Variants in SLC28A3 observed in about 807,000 individuals in gnomAD.
SLC28A3 encodes the protein concentrative Na(+)-nucleoside cotransporter 3.
Under a neutral mutation model 84.2 loss-of-function variants are expected in SLC28A3, and 68 were observed. That is an observed-to-expected ratio of 0.81 (90% CI 0.66 to 0.99). The LOEUF (loss-of-function observed/expected upper bound fraction) is 0.99, where lower values mean the gene tolerates loss of function less well. Ranked by LOEUF, SLC28A3 falls within the 50% of genes least tolerant of loss-of-function variation. The pLI is 0.00. For synonymous variants in SLC28A3, 267 were observed against 303.6 expected, an observed-to-expected ratio of 0.88 and a Z score of 1.25; for missense variants, 712 against 841.5, an observed-to-expected ratio of 0.85 and a Z score of 1.90.
intron 10 of SLC28A3, among the ~76,000 whole-genome samples, chr9:84,290,923 C>T (rs1410868277): frequency 6.6e-6 from 1 of 152,196 alleles, no homozygotes; most frequent in Non-Finnish European, 1.5e-5. Flanking sequence ...TCAGAGACCC[C>T]TCTCTGATGG....
chr9:84,284,009 T>C (rs972369273), intron 14 of SLC28A3, among the ~76,000 whole-genome samples: 2 of 152,206 alleles, frequency 1.3e-5, no homozygotes, highest in African/African-American at 4.8e-5. Context: ...TGCCTGCCTT[T>C]GGTTGGGCTC....
chr9:84,282,284 C>CTT (rs527862557), intron 14 of SLC28A3, among the ~76,000 whole-genome samples: 40 of 144,838 alleles, frequency 2.8e-4, no homozygotes, highest in Non-Finnish European at 5.2e-4. Flanking sequence ...TGAGGAAAAC[C>CTT]TTTTTTTTTT....
At chr9:84,294,404 A>G (rs1264528717) in intron 8 of SLC28A3, 129 bp from the exon 9 acceptor site, 2 of 821,302 alleles carry the variant, frequency 2.4e-6, no homozygotes, top group Non-Finnish European at 3.9e-6. Context: ...CTCCTCTTGA[A>G]CTTTAATCAG....
At chr9:84,314,938 G>C (rs564442494) in intron 1 of SLC28A3, among the ~76,000 whole-genome samples, 6 of 152,176 alleles carry the variant, frequency 3.9e-5, no homozygotes, top group Non-Finnish European at 8.8e-5. Flanking sequence ...TTAGCTGGGC[G>C]TGGTGGCAGG....
chr9:84,350,443 A>AAAATAAAT, the SLC28A3 span, among the ~76,000 whole-genome samples: 7,154 of 151,462 alleles, frequency 0.047, 526 homozygotes, highest in African/African-American at 0.16. Flanking sequence ...CCAGGTCTCA[A>AAAATAAAT]AAATAAATAA....
chr9:84,361,461 C>T, the SLC28A3 span, among the ~76,000 whole-genome samples: 2 of 152,188 alleles, frequency 1.3e-5, no homozygotes, highest in African/African-American at 4.8e-5. Flanking sequence ...AAATGTCTTT[C>T]CTGTTTTCAG....
chr9:84,333,235 C>A (rs1278641670), intron 1 of SLC28A3, among the ~76,000 whole-genome samples: 1 of 152,156 alleles, frequency 6.6e-6, no homozygotes, highest in Non-Finnish European at 1.5e-5. Flanking sequence ...TCTGGGGTGA[C>A]TGCACCTGTA....
rs915828974 is a variant in SLC28A3, at chr9:84,276,591, A to C, written c.*1627T>G. 1 of 152,168 alleles carries C rather than the reference A, an allele frequency of 6.6e-6. No homozygotes were observed. The highest frequency in any genetic ancestry group is 1.5e-5 in the Non-Finnish European group (1 of 68,028). The allele number at this position is 152,168 out of a possible 1,614,324, so 9.4% of individuals were successfully genotyped here. On this transcript the variant is annotated 3_prime_UTR_variant, in exon 18 of 18. Coordinates refer to ENST00000376238, the MANE Select transcript of SLC28A3 (RefSeq NM_001199633.2). The stretch of plus-strand genomic sequence containing the variant: ...CACCAAACATTGAGAATGGGGGGAA[A>C]ACATGCAAATATATTTTCCTAAAAT...
At chr9:84,326,877 C>T (rs1167797770) in intron 1 of SLC28A3, among the ~76,000 whole-genome samples, 5 of 151,820 alleles carry the variant, frequency 3.3e-5, no homozygotes, top group South Asian at 2.1e-4. Flanking sequence ...GACATGGTGG[C>T]GCCTGTAATC....
chr9:84,292,760 A>C lies in SLC28A3; in HGVS notation c.943-12T>G. ...ATGATCCATCCAACCTAAAAGGAAG[A>C]AAGGGACAAAGTCAGCAAAGAACTT... On this transcript the variant is annotated splice_polypyrimidine_tract_variant and intron_variant, in intron 9 of 17. Coordinates refer to ENST00000376238, the MANE Select transcript of SLC28A3 (RefSeq NM_001199633.2). 1 of 1,538,858 alleles carries C rather than the reference A, an allele frequency of 6.5e-7. No individual in the cohort carries two copies. The highest frequency in any genetic ancestry group is 2.4e-5 in the East Asian group (1 of 41,740).
At chr9:84,357,586 G>C in the SLC28A3 span, among the ~76,000 whole-genome samples, 15 of 152,084 alleles carry the variant, frequency 9.9e-5, no homozygotes, top group African/African-American at 3.6e-4. Context: ...GTGGACTGGG[G>C]AAGTGGGCAG....
In SLC28A3 at chr9:84,278,023, G is replaced by A; in HGVS notation, c.*195C>T. 1 of 627,020 alleles carries A rather than the reference G, an allele frequency of 1.6e-6. No homozygotes were observed. Among genetic ancestry groups the A allele is most frequent in the Non-Finnish European group, 2.6e-6 (1 of 379,988 alleles). The allele number at this position is 627,020 out of a possible 1,614,324, so 38.8% of individuals were successfully genotyped here. On this transcript the variant is annotated 3_prime_UTR_variant, in exon 18 of 18. Transcript: ENST00000376238. ...CATAGCAGTTCTTGGTGGGGAAGGG[G>A]CTGGTGGGGAGGGAGGGGAGGAGGA...
intron 3 of SLC28A3, among the ~76,000 whole-genome samples, chr9:84,307,537 T>A (rs1825845636): frequency 6.6e-6 from 1 of 152,086 alleles, no homozygotes; most frequent in South Asian, 2.1e-4. Context: ...CTTCATGAAA[T>A]GTTCATCATT....
intron 12 of SLC28A3, among the ~76,000 whole-genome samples, chr9:84,286,686 T>C (rs1825004121): frequency 6.6e-6 from 1 of 152,054 alleles, no homozygotes; most frequent in Non-Finnish European, 1.5e-5. Flanking sequence ...ATACAAATGG[T>C]ATAAAAGCTA....
upstream of SLC28A3, among the ~76,000 whole-genome samples, chr9:84,343,720 C>T (rs1827207073): frequency 6.6e-6 from 1 of 152,128 alleles, no homozygotes; most frequent in Non-Finnish European, 1.5e-5. Flanking sequence ...GAAACATGGC[C>T]ATTGATTTAT....
chr9:84,291,951 G>T (rs1441622738), intron 10 of SLC28A3, among the ~76,000 whole-genome samples: 1 of 152,188 alleles, frequency 6.6e-6, no homozygotes, highest in Non-Finnish European at 1.5e-5. Flanking sequence ...ATATTTATTT[G>T]CTTAAATGGG....
intron 1 of SLC28A3, among the ~76,000 whole-genome samples, chr9:84,328,156 TACACACACACACACAC>T (rs71498096): frequency 6.1e-5 from 8 of 131,968 alleles, no homozygotes; most frequent in Admixed American, 5.4e-4. Context: ...GGGAAAAGAC[TACACACACACACACAC>T]ACACACACAC....
At chr9:84,349,736 T>G in the SLC28A3 span, among the ~76,000 whole-genome samples, 1 of 152,184 alleles carries the variant, frequency 6.6e-6, no homozygotes. Flanking sequence ...TTGAATGAGG[T>G]TCACGAAGGG....
At chr9:84,334,803 C>T (rs1826912338) in intron 1 of SLC28A3, among the ~76,000 whole-genome samples, 1 of 152,048 alleles carries the variant, frequency 6.6e-6, no homozygotes, top group Admixed American at 6.6e-5. Context: ...CTTCCCCAAC[C>T]CTAGCGTCAC....
Sources: allele counts gnomAD v4.1 joint callset (sites outside exome capture counted in the v4.1 genomes callset), GRCh38; gene constraint gnomAD v4.1.1; transcripts MANE v1.5; gene names NCBI Gene and HGNC (gene_info 2026-07-23, HGNC 2026-07-21).